Variants in MCC observed in about 807,000 individuals in gnomAD.
The protein encoded by MCC is MCC regulator of Wnt signaling pathway, also known as colorectal mutant cancer protein.
Under a neutral mutation model 116.2 loss-of-function variants are expected in MCC, and 90 were observed. The ratio of observed to expected loss-of-function variants is 0.77; its 90% CI spans 0.65 to 0.92. The LOEUF is 0.92. Among genes scored for constraint, MCC ranks in the 40% least tolerant of loss-of-function variants. The pLI is 0.00. For synonymous variants in MCC, 578 were observed against 510.5 expected (o/e 1.13, Z -1.78); for missense variants, 1,516 against 1,312.2 (o/e 1.16, Z -2.40).
chr5:113,288,218 C>G (rs1241932464), intron 3 of MCC, among the ~76,000 whole-genome samples: 2 of 152,226 alleles, frequency 1.3e-5, no homozygotes, highest in African/African-American at 4.8e-5. Context: ...GCTTTCTCCC[C>G]AAGCCTCGGC....
At chr5:113,237,854 A>G (rs1157149025) in intron 3 of MCC, among the ~76,000 whole-genome samples, 3 of 152,230 alleles carry the variant, frequency 2.0e-5, no homozygotes, top group African/African-American at 7.2e-5. Context: ...ACACTGAAAA[A>G]CAATCAGAGT....
At chr5:113,057,401 G>T (rs1001190627) in intron 14 of MCC, among the ~76,000 whole-genome samples, 1 of 152,280 alleles carries the variant, frequency 6.6e-6, no homozygotes, top group Admixed American at 6.5e-5. Context: ...ATTCCAGGGA[G>T]AGATGGTAGC....
chr5:113,047,913 G>A (rs1210341424), intron 16 of MCC, among the ~76,000 whole-genome samples: 1 of 151,966 alleles, frequency 6.6e-6, no homozygotes, highest in African/African-American at 2.4e-5. Context: ...GCTTTCAGAT[G>A]ATGTGGACTT....
chr5:113,472,612 T>A (rs1375569367), intron 1 of MCC, among the ~76,000 whole-genome samples: 1 of 152,250 alleles, frequency 6.6e-6, no homozygotes, highest in East Asian at 1.9e-4. Flanking sequence ...ATTCTGTAAG[T>A]ATGGAAGATT....
intron 2 of MCC, among the ~76,000 whole-genome samples, chr5:113,376,165 A>C (rs2150390577): frequency 6.6e-6 from 1 of 152,342 alleles, no homozygotes; most frequent in East Asian, 1.9e-4. Context: ...GCTCAGATCC[A>C]AGCACACATT....
At chr5:113,354,491 G>A (rs985726633) in intron 2 of MCC, among the ~76,000 whole-genome samples, 3 of 150,518 alleles carry the variant, frequency 2.0e-5, no homozygotes, top group Admixed American at 6.6e-5. Flanking sequence ...CTGGAGTGCA[G>A]TGGCACGATC....
At chr5:113,455,678 T>G (rs984826073) in intron 1 of MCC, among the ~76,000 whole-genome samples, 1 of 152,186 alleles carries the variant, frequency 6.6e-6, no homozygotes, top group Non-Finnish European at 1.5e-5. Flanking sequence ...CCAGAGGAAT[T>G]TGGGGCCATA....
chr5:113,123,974 G>C (rs1757883286), intron 5 of MCC, among the ~76,000 whole-genome samples: 1 of 152,182 alleles, frequency 6.6e-6, no homozygotes, highest in South Asian at 2.1e-4. Context: ...AGGGTTTAGG[G>C]AGGCAAGCGG....
chr5:113,220,443 T>C (rs1248580652), intron 3 of MCC, among the ~76,000 whole-genome samples: 5 of 152,110 alleles, frequency 3.3e-5, no homozygotes, highest in South Asian at 2.1e-4. Flanking sequence ...CATAGCAACA[T>C]TGAGTTTTCT....
chr5:113,177,813 G>A (rs918795409), intron 3 of MCC, among the ~76,000 whole-genome samples: 2 of 152,076 alleles, frequency 1.3e-5, no homozygotes, highest in Non-Finnish European at 2.9e-5. Flanking sequence ...CTTCATATTT[G>A]TAGTTTTAAT....
chr5:113,313,155 G>A (rs2150368603), intron 3 of MCC, among the ~76,000 whole-genome samples: 1 of 152,214 alleles, frequency 6.6e-6, no homozygotes, highest in African/African-American at 2.4e-5. Context: ...GACCAGCCTG[G>A]CCAACATGGT....
Position 113,071,141 on chromosome 5 carries a change from T to C in MCC, c.1878A>G (p.Gly626=). The C allele has an allele frequency of 6.2e-7, 1 of 1,614,178 alleles. No individual in the cohort carries two copies. Among genetic ancestry groups the C allele is most frequent in the East Asian group, 2.2e-5 (1 of 44,890 alleles). ...SNAERMSMLV[G]KYESNATALR... The stretch of plus-strand genomic sequence containing the variant: ...GCGCTGTGGCATTGGATTCGTATTT[T>C]CCCACCAGCATGCTCATCCTCTCGG... Residue 626 remains glycine, a synonymous_variant, in exon 12 of 19, where the codon GGA becomes GGG. Transcript: ENST00000408903.
At chr5:113,090,955 G>A (rs558932370) in intron 8 of MCC, among the ~76,000 whole-genome samples, 8 of 152,350 alleles carry the variant, frequency 5.3e-5, no homozygotes, top group Admixed American at 5.2e-4. Context: ...TGGTGCCACC[G>A]CAAGCCCAGG....
intron 2 of MCC, among the ~76,000 whole-genome samples, chr5:113,362,838 C>G (rs1033336523): frequency 5.9e-5 from 9 of 152,078 alleles, no homozygotes; most frequent in Admixed American, 5.9e-4. Context: ...ACATAATTGT[C>G]TTTTTTTACA....
chr5:113,075,377 T>C (rs1362599306), intron 11 of MCC, among the ~76,000 whole-genome samples: 1 of 152,152 alleles, frequency 6.6e-6, no homozygotes, highest in Non-Finnish European at 1.5e-5. Flanking sequence ...CCCCCTGCTC[T>C]GAGGTGCCCA....
intron 3 of MCC, among the ~76,000 whole-genome samples, chr5:113,297,386 G>C (rs749979950): frequency 1.3e-5 from 2 of 151,978 alleles, no homozygotes; most frequent in African/African-American, 4.8e-5. Context: ...CCAACATGGT[G>C]ATACCCTGTC....
rs1345471429 is a variant in MCC, at chr5:113,388,266, T to C, written c.171-3054A>G. ...ATTAAGTCAAATTGTAAGTTTTAAA[T>C]AGAAGTACTAGTTTTTAAAAACTAA... On this transcript the variant is annotated intron_variant, in intron 1 of 18. Transcript: ENST00000408903. 3.9e-5 allele frequency among the ~76,000 whole-genome samples: 6 copies of C among 152,334 alleles called. No homozygotes were observed. The South Asian group carries it at 1.2e-3, about 32-fold the overall frequency.
At chr5:113,299,254 C>T (rs1471912503) in intron 3 of MCC, among the ~76,000 whole-genome samples, 3 of 118,646 alleles carry the variant, frequency 2.5e-5, no homozygotes, top group Admixed American at 2.2e-4. Flanking sequence ...GATCACGCTA[C>T]TGCACTCCAG....
chr5:113,260,142 T>C (rs1765167796), intron 3 of MCC, among the ~76,000 whole-genome samples: 1 of 152,116 alleles, frequency 6.6e-6, no homozygotes, highest in South Asian at 2.1e-4. Flanking sequence ...AACTTTTTGT[T>C]TTCAGGATCC....
Sources: allele counts gnomAD v4.1 joint callset (sites outside exome capture counted in the v4.1 genomes callset), GRCh38; gene constraint gnomAD v4.1.1; transcripts MANE v1.5; gene names NCBI Gene and HGNC (gene_info 2026-07-23, HGNC 2026-07-21).